The following CHRNA7 variants were observed in gnomAD, a reference collection of about 807,000 sequenced individuals.
The protein encoded by CHRNA7 is neuronal acetylcholine receptor subunit alpha-7.
Under a neutral mutation model 48.0 loss-of-function variants are expected in CHRNA7, and 17 were observed. The ratio of observed to expected loss-of-function variants is 0.35; its 90% CI spans 0.24 to 0.53. CHRNA7 has a LOEUF of 0.53. CHRNA7 is among the 20% of genes least tolerant of loss of function. CHRNA7 has a pLI of 0.92. For missense variants in CHRNA7, 155 were observed against 577.7 expected (o/e 0.27, Z 7.50); for synonymous variants, 75 against 242.3 (o/e 0.31, Z 6.41).
At chr15:32,082,703 A>G (rs755594554) in intron 2 of CHRNA7, among the ~76,000 whole-genome samples, 6 of 152,336 alleles carry the variant, frequency 3.9e-5, no homozygotes, top group Admixed American at 1.3e-4. Context: ...CATTTTATGT[A>G]TAAGCAATGA....
At chr15:32,097,327 C>T (rs1394460501) in intron 2 of CHRNA7, among the ~76,000 whole-genome samples, 2 of 152,004 alleles carry the variant, frequency 1.3e-5, no homozygotes, top group Non-Finnish European at 2.9e-5. Context: ...GTTTTTTTCC[C>T]CCACTAAATG....
intron 4 of CHRNA7, among the ~76,000 whole-genome samples, chr15:32,114,047 T>TATATAC (rs1566848888): frequency 1.0e-4 from 5 of 49,258 alleles, no homozygotes; most frequent in African/African-American, 2.9e-4. Context: ...TATATATGTA[T>TATATAC]ATATATATAT....
intron 2 of CHRNA7, among the ~76,000 whole-genome samples, chr15:32,074,396 G>A (rs917580770): frequency 4.1e-5 from 6 of 146,884 alleles, no homozygotes; most frequent in African/African-American, 1.5e-4. Context: ...AGTGCAATAA[G>A]TTCAAGAAAA....
intron 2 of CHRNA7, among the ~76,000 whole-genome samples, chr15:32,077,884 G>A (rs2050158595): frequency 6.6e-6 from 1 of 152,134 alleles, no homozygotes; most frequent in Non-Finnish European, 1.5e-5. Context: ...GCTCTTATGG[G>A]AACTAAAACA....
intron 2 of CHRNA7, among the ~76,000 whole-genome samples, chr15:32,056,416 G>A (rs2049789678): frequency 6.6e-6 from 1 of 152,042 alleles, no homozygotes; most frequent in Non-Finnish European, 1.5e-5. Context: ...AATTTATTTT[G>A]TTTTTCAAGA....
chr15:32,127,203 A>C (rs1566858898), intron 4 of CHRNA7, among the ~76,000 whole-genome samples: 1 of 152,190 alleles, frequency 6.6e-6, no homozygotes, highest in Non-Finnish European at 1.5e-5. Flanking sequence ...CAATTTGTGT[A>C]ACTATTAATC....
chr15:32,086,963 G>C (rs2050307911), intron 2 of CHRNA7, among the ~76,000 whole-genome samples: 1 of 152,138 alleles, frequency 6.6e-6, no homozygotes, highest in Non-Finnish European at 1.5e-5. Flanking sequence ...CGACTGCAAA[G>C]TTACTCTTTT....
chr15:32,136,211 CAG>C (rs2051253274), intron 4 of CHRNA7, among the ~76,000 whole-genome samples: 1 of 152,128 alleles, frequency 6.6e-6, no homozygotes, highest in African/African-American at 2.4e-5. Context: ...CAAAGTGGGA[CAG>C]GGCGCAGGGG....
chr15:32,032,552 A>T (rs16956132), intron 2 of CHRNA7, among the ~76,000 whole-genome samples: 5,310 of 152,330 alleles, frequency 0.035, 134 homozygotes, highest in Middle Eastern at 0.1. Context: ...CAGAAACCAC[A>T]TGAAAAAGGA....
intron 2 of CHRNA7, among the ~76,000 whole-genome samples, chr15:32,067,462 A>G (rs1470256159): frequency 1.3e-5 from 2 of 152,248 alleles, no homozygotes; most frequent in African/African-American, 4.8e-5. Flanking sequence ...GCATTTTCCA[A>G]TTTTAGAGAA....
intron 2 of CHRNA7, among the ~76,000 whole-genome samples, chr15:32,036,631 A>G (rs572621253): frequency 1.3e-5 from 2 of 152,262 alleles, no homozygotes; most frequent in African/African-American, 4.8e-5. Context: ...GCATTCCAAT[A>G]GGTGTGTAGT....
intron 2 of CHRNA7, among the ~76,000 whole-genome samples, chr15:32,089,020 C>G (rs1595433580): frequency 1.3e-5 from 2 of 152,232 alleles, no homozygotes; most frequent in Admixed American, 1.3e-4. Context: ...TATATTTAAT[C>G]CTGTCTTTTC....
intron 4 of CHRNA7, among the ~76,000 whole-genome samples, chr15:32,116,486 C>T (rs915447730): frequency 3.3e-5 from 5 of 152,322 alleles, no homozygotes; most frequent in Middle Eastern, 6.8e-3. Flanking sequence ...GTGCTGATCC[C>T]AGTCATTTCT....
intron 2 of CHRNA7, among the ~76,000 whole-genome samples, chr15:32,049,907 G>T (rs1489033895): frequency 6.6e-6 from 1 of 152,070 alleles, no homozygotes; most frequent in African/African-American, 2.4e-5. Context: ...CACTTATGAA[G>T]CTTAGTTTGG....
rs149687791 is a variant in CHRNA7, at chr15:32,066,032, G to A, written c.195+34995G>A. On this transcript the variant is annotated intron_variant, in intron 2 of 9. Transcript: ENST00000306901. ...GAGCTGTCAGCTGCCTGGCTGTGCC[G>A]AAGATGTGCTCCAGCACACAGATGC... Among the ~76,000 whole-genome samples the A allele has an allele frequency of 3.7e-4, 57 of 152,392 alleles. 1 individual carries two copies. Among genetic ancestry groups the A allele is most frequent in the African/African-American group, 1.1e-3 (45 of 41,604 alleles).
intron 2 of CHRNA7, among the ~76,000 whole-genome samples, chr15:32,052,479 C>T (rs1376153935): frequency 6.6e-6 from 1 of 152,028 alleles, no homozygotes; most frequent in Non-Finnish European, 1.5e-5. Context: ...ACTTGTAATC[C>T]CAGCAGTTTG....
chr15:32,078,570 C>A (rs1357842997), intron 2 of CHRNA7, among the ~76,000 whole-genome samples: 1 of 151,452 alleles, frequency 6.6e-6, no homozygotes, highest in Non-Finnish European at 1.5e-5. Flanking sequence ...TGAACACATA[C>A]ACCCTCCCAA....
chr15:32,061,083 C>T (rs552370016), intron 2 of CHRNA7, among the ~76,000 whole-genome samples: 1 of 152,164 alleles, frequency 6.6e-6, no homozygotes, highest in African/African-American at 2.4e-5. Flanking sequence ...TTGTGGCAAG[C>T]CCATTGGATG....
At position 32,118,989 on chromosome 15, in the gene CHRNA7, C is replaced by CAA. The variant is rs66493443; in HGVS notation, c.350+7105_350+7106dup. On this transcript the variant is annotated intron_variant, in intron 4 of 9. Coordinates refer to ENST00000306901, the MANE Select transcript of CHRNA7 (RefSeq NM_000746.6). ...AAGGCTTGTGAAAGACTTCGAAATG[C>CAA]AAAAAAAAAAAAAAAATAGTGAGGG... Among the ~76,000 whole-genome samples, 463 of 132,968 alleles carry CAA rather than the reference C, an allele frequency of 3.5e-3. 3 individuals are homozygous for CAA. Among genetic ancestry groups the CAA allele is most frequent in the African/African-American group, 0.013 (445 of 34,372 alleles). The allele number at this position is 132,968 out of a possible 152,430, so 87.2% of individuals were successfully genotyped here.
Sources: gnomAD v4.1 joint callset for allele counts (sites outside exome capture counted in the v4.1 genomes callset) on GRCh38, gnomAD v4.1.1 for gene constraint, MANE v1.5 for transcripts, NCBI Gene and HGNC (gene_info 2026-07-23, HGNC 2026-07-21) for gene names.